Variants in ADGRB3 observed in about 807,000 individuals in gnomAD.
ADGRB3 encodes brain-specific angiogenesis inhibitor 3.
ADGRB3 carries 37 observed loss-of-function variants against 193.4 expected under a neutral mutation model. The observed-to-expected ratio is 0.19, with a 90% CI of 0.15 to 0.25. The LOEUF (loss-of-function observed/expected upper bound fraction) is 0.25, where lower values mean the gene tolerates loss of function less well. Among genes scored for constraint, ADGRB3 ranks in the 10% least tolerant of loss-of-function variants. ADGRB3 has a pLI of 1.00. For synonymous variants in ADGRB3, 690 were observed against 644.2 expected, an observed-to-expected ratio of 1.07 and a Z score of -1.08; for missense variants, 1,637 against 1,852.9, an observed-to-expected ratio of 0.88 and a Z score of 2.14.
At chr6:69,099,722 C>T (rs1163702656) in intron 17 of ADGRB3, among the ~76,000 whole-genome samples, 1 of 152,170 alleles carries the variant, frequency 6.6e-6, no homozygotes, top group African/African-American at 2.4e-5. Flanking sequence ...AGACTTCCTT[C>T]ATTCTCATAG....
intron 3 of ADGRB3, among the ~76,000 whole-genome samples, chr6:68,833,556 T>C (rs1376793837): frequency 9.6e-6 from 1 of 104,444 alleles, no homozygotes. Context: ...TTGTTTTAAC[T>C]GGATAAGTAT....
intron 20 of ADGRB3, among the ~76,000 whole-genome samples, chr6:69,306,096 C>T (rs1768062647): frequency 6.6e-6 from 1 of 151,324 alleles, no homozygotes; most frequent in East Asian, 1.9e-4. Context: ...ATTTGGGTAC[C>T]CATGAGGGTT....
At chr6:68,826,231 A>G (rs567790072) in intron 3 of ADGRB3, among the ~76,000 whole-genome samples, 1 of 152,318 alleles carries the variant, frequency 6.6e-6, no homozygotes, top group Non-Finnish European at 1.5e-5. Context: ...AATCAATGCT[A>G]CAGGGGAATA....
chr6:69,135,288 CTTT>C (rs34164707), intron 17 of ADGRB3, among the ~76,000 whole-genome samples: 1 of 148,116 alleles, frequency 6.8e-6, no homozygotes. Flanking sequence ...ATCACAACTA[CTTT>C]TTTTTTTTTT....
chr6:68,974,079 ATTTATT>A (rs562944897), intron 8 of ADGRB3, among the ~76,000 whole-genome samples: 4 of 152,210 alleles, frequency 2.6e-5, no homozygotes, highest in Non-Finnish European at 2.9e-5. Flanking sequence ...CTTTATGCTT[ATTTATT>A]TTTAACATTT....
At chr6:69,037,649 C>G (rs568140457) in intron 13 of ADGRB3, among the ~76,000 whole-genome samples, 3 of 151,264 alleles carry the variant, frequency 2.0e-5, no homozygotes, top group African/African-American at 7.3e-5. Flanking sequence ...TTGTTGTTCT[C>G]TCTCTCTCTC....
intron 3 of ADGRB3, among the ~76,000 whole-genome samples, chr6:68,912,924 C>T (rs1173535617): frequency 3.9e-5 from 6 of 152,134 alleles, no homozygotes; most frequent in East Asian, 1.9e-4. Context: ...CCACCTGGCT[C>T]GGAGGGTCCT....
chr6:69,355,248 C>T (rs1475704593), intron 27 of ADGRB3, among the ~76,000 whole-genome samples: 4 of 152,232 alleles, frequency 2.6e-5, no homozygotes, highest in African/African-American at 9.6e-5. Context: ...CACAACTAAA[C>T]CCCAGAAGGT....
At chr6:69,253,216 G>T (rs1407624520) in intron 20 of ADGRB3, among the ~76,000 whole-genome samples, 1 of 151,968 alleles carries the variant, frequency 6.6e-6, no homozygotes, top group African/African-American at 2.4e-5. Flanking sequence ...AAGAGCTTGA[G>T]TTCTCTAACT....
At chr6:69,265,791 T>C (rs1767027236) in intron 20 of ADGRB3, among the ~76,000 whole-genome samples, 1 of 151,994 alleles carries the variant, frequency 6.6e-6, no homozygotes, top group Non-Finnish European at 1.5e-5. Flanking sequence ...TATTTTCAAT[T>C]AGCTTAACCC....
chr6:69,379,152 T>C (rs1339702571), intron 30 of ADGRB3, among the ~76,000 whole-genome samples: 1 of 152,018 alleles, frequency 6.6e-6, no homozygotes, highest in Non-Finnish European at 1.5e-5. Flanking sequence ...GCATATAATA[T>C]TTGACAGCCA....
At chr6:68,983,464 T>C (rs886703689) in intron 10 of ADGRB3, among the ~76,000 whole-genome samples, 1 of 148,878 alleles carries the variant, frequency 6.7e-6, no homozygotes, top group Non-Finnish European at 1.5e-5. Context: ...GTATATAACA[T>C]ATATATAGTA....
At chr6:68,826,521 T>G (rs1767846781) in intron 3 of ADGRB3, among the ~76,000 whole-genome samples, 2 of 152,198 alleles carry the variant, frequency 1.3e-5, no homozygotes, top group Non-Finnish European at 2.9e-5. Flanking sequence ...TGGCTTTTAC[T>G]CCAAGTGGAA....
At chr6:68,653,521 AC>A (rs1243414246) in intron 3 of ADGRB3, among the ~76,000 whole-genome samples, 1 of 152,108 alleles carries the variant, frequency 6.6e-6, no homozygotes, top group African/African-American at 2.4e-5. Flanking sequence ...TGCATATATT[AC>A]TAGCAAAGCA....
At chr6:68,976,176 A>G (rs1261028651) in intron 10 of ADGRB3, among the ~76,000 whole-genome samples, 1 of 152,226 alleles carries the variant, frequency 6.6e-6, no homozygotes, top group Non-Finnish European at 1.5e-5. Context: ...TCAAAAATAT[A>G]CATAACTTTT....
intron 17 of ADGRB3, among the ~76,000 whole-genome samples, chr6:69,177,641 CA>C (rs1775463682): frequency 6.6e-6 from 1 of 152,156 alleles, no homozygotes; most frequent in Non-Finnish European, 1.5e-5. Flanking sequence ...CCACCACGCC[CA>C]GCCTATTTCA....
rs371516593 is a variant in ADGRB3 at position 69,233,425 on chromosome 6, C to T, written c.2607+9C>T. 6.2e-7 allele frequency: 1 copy of T among 1,613,658 alleles called. No homozygotes were observed. The highest frequency in any genetic ancestry group is 1.3e-5 in the African/African-American group (1 of 74,880). On this transcript the variant is annotated intron_variant, in intron 18 of 31. Coordinates refer to ENST00000370598, the MANE Select transcript of ADGRB3 (RefSeq NM_001704.3). ...AGCAACCTAGAGAAATAGTAAGTAA[C>T]AAAGGGAAAACACGGCTTTAACGCA... is the stretch of plus-strand genomic sequence containing the variant.
At chr6:68,951,450 C>T (rs1352092555) in intron 6 of ADGRB3, among the ~76,000 whole-genome samples, 3 of 152,062 alleles carry the variant, frequency 2.0e-5, no homozygotes, top group African/African-American at 4.8e-5. Flanking sequence ...TTCATTTACT[C>T]GTTTATCATC....
intron 3 of ADGRB3, among the ~76,000 whole-genome samples, chr6:68,750,413 A>T (rs9346238): frequency 0.4 from 60,370 of 151,956 alleles, 12,634 homozygotes; most frequent in African/African-American, 0.52. Flanking sequence ...ATGATTTTGT[A>T]TTGCTGGGGG....
Sources: allele counts gnomAD v4.1 joint callset (sites outside exome capture counted in the v4.1 genomes callset), GRCh38; gene constraint gnomAD v4.1.1; transcripts MANE v1.5; gene names NCBI Gene and HGNC (gene_info 2026-07-23, HGNC 2026-07-21).